The following WDR59 variants were observed in gnomAD, a reference collection of about 807,000 sequenced individuals.
WDR59 encodes WD repeat domain 59.
A neutral mutation model predicts 131.2 loss-of-function variants in WDR59; 100 were observed. That is an observed-to-expected ratio of 0.76 (90% confidence interval 0.65 to 0.90). The LOEUF is 0.90. Among genes scored for constraint, WDR59 ranks in the 40% least tolerant of loss-of-function variants. The pLI, the probability that WDR59 is intolerant of heterozygous loss-of-function variation, is 0.00. For missense variants in WDR59, 1,203 were observed against 1,262.2 expected (o/e 0.95, Z 0.71); for synonymous variants, 601 against 466.2 (o/e 1.29, Z -3.72).
In WDR59 at chr16:74,873,967, A is replaced by T; in HGVS notation, c.*242T>A. 1 of 517,786 alleles carries T rather than the reference A, an allele frequency of 1.9e-6. No individual in the cohort carries two copies. The highest frequency in any genetic ancestry group is 3.5e-6 in the Non-Finnish European group (1 of 287,804). 32.1% of individuals were successfully genotyped at this position (517,786 alleles called of 1,614,324 possible). A position where few individuals can be genotyped will look rare whatever the true frequency, so the allele number is the denominator to read the frequency against. Reference sequence around the variant, plus strand: ...CTTGGTAGCTCAGCCGACATAGACAACACACAAAGCGCAGCTCTGCACTTC... The same window carrying T: ...CTTGGTAGCTCAGCCGACATAGACATCACACAAAGCGCAGCTCTGCACTTC... On this transcript the variant is annotated 3_prime_UTR_variant, in exon 26 of 26. Transcript: ENST00000262144.
chr16:74,912,169 A>G (rs1966125897), intron 14 of WDR59, 29 bp downstream of exon 14: 1 of 1,614,134 alleles, frequency 6.2e-7, no homozygotes. Flanking sequence ...GCAGAACAGC[A>G]AGGAGAATTT....
chr16:74,956,569 T>C lies in WDR59; in HGVS notation c.146A>G (p.Glu49Gly), dbSNP rs1282318113. ...LYIVNLDAPF[E>G]GHRKISRQSK... ...CTGGCGAGAGATCTTTCGGTGACCT[T>C]CGAAAGGGGCATCTAGATTGACGAT... The change falls in exon 3 of 26, where the codon GAA becomes GGA. Residue 49 changes from glutamate (E) to glycine (G), a missense_variant. Transcript: ENST00000262144. 6.2e-7 allele frequency: 1 copy of C among 1,614,008 alleles called. No individual in the cohort carries two copies. Among genetic ancestry groups the C allele is most frequent in the Admixed American group, 1.7e-5 (1 of 59,966 alleles).
chr16:74,885,634 G>C lies in WDR59; in HGVS notation c.2689+19C>G. The C allele has an allele frequency of 6.2e-7, 1 of 1,612,746 alleles. No individual in the cohort carries two copies. Among genetic ancestry groups the C allele is most frequent in the South Asian group, 1.1e-5 (1 of 90,828 alleles). Reference sequence around the variant, plus strand: ...GATCTTTCAGACAGTGAAAGGAAGAGAGAGAAATTCATACTCACCGATCCC... The same window carrying C: ...GATCTTTCAGACAGTGAAAGGAAGACAGAGAAATTCATACTCACCGATCCC... On this transcript the variant is annotated intron_variant, in intron 25 of 25. Transcript: ENST00000262144.
chr16:74,956,296 C>A (rs112545913), intron 3 of WDR59, among the ~76,000 whole-genome samples, 179 bp downstream of exon 3: 1 of 152,154 alleles, frequency 6.6e-6, no homozygotes, highest in African/African-American at 2.4e-5. Flanking sequence ...ATGGGACCAG[C>A]GAGCATTCCC....
rs558048324 is a variant in WDR59, at chr16:74,877,144, C to T, written c.2690-2700G>A. On this transcript the variant is annotated intron_variant, in intron 25 of 25. Coordinates refer to ENST00000262144, the MANE Select transcript of WDR59 (RefSeq NM_030581.4). ...CAGTTTTATTAAAACGATCAATCAACGCGGTGAGGGTATTGTCTTACTGAA... is the reference window on the plus strand; with the variant it reads ...CAGTTTTATTAAAACGATCAATCAATGCGGTGAGGGTATTGTCTTACTGAA... 1.3e-3 allele frequency among the ~76,000 whole-genome samples: 205 copies of T among 152,162 alleles called. 1 individual carries two copies. Among genetic ancestry groups the T allele is most frequent in the South Asian group, 3.1e-3 (15 of 4,824 alleles).
chr16:74,952,445 CAAAA>C (rs61448932), intron 3 of WDR59, among the ~76,000 whole-genome samples: 5 of 62,718 alleles, frequency 8.0e-5, no homozygotes, highest in African/African-American at 1.6e-4. Context: ...CCATCTCAAA[CAAAA>C]AAAAAAAAAA....
intron 25 of WDR59, among the ~76,000 whole-genome samples, chr16:74,879,323 C>T (rs932707969): frequency 1.3e-5 from 2 of 152,180 alleles, no homozygotes; most frequent in Admixed American, 6.5e-5. Context: ...TGCCTGTGCA[C>T]TGCAGCCTGG....
rs974741558 is a variant in WDR59, at chr16:74,910,989, G to A, written c.1390-1072C>T. 4.6e-5 allele frequency among the ~76,000 whole-genome samples: 7 copies of A among 152,194 alleles called. No homozygotes were observed. The South Asian group carries it at 1.0e-3, about 23-fold the overall frequency. ...AGTGATTCTCCTGCCTCAGCCTACC[G>A]AGTCGCTGGGAATACAGGCATGCGC... On this transcript the variant is annotated intron_variant, in intron 14 of 25. Transcript: ENST00000262144.
At chr16:74,968,778 T>A (rs144051598) in intron 1 of WDR59, among the ~76,000 whole-genome samples, 3 of 151,950 alleles carry the variant, frequency 2.0e-5, no homozygotes, top group Non-Finnish European at 2.9e-5. Context: ...AACTCACCCA[T>A]ATCAGAGGAA....
chr16:74,951,603 A>T (rs1162800136), intron 3 of WDR59, 60 bp from the exon 4 acceptor site: 14 of 1,459,374 alleles, frequency 9.6e-6, no homozygotes, highest in East Asian at 2.4e-5. Context: ...TCTTGCCCCA[A>T]TCAGCTTAAG....
chr16:74,948,297 G>C (rs1352840016), intron 6 of WDR59, among the ~76,000 whole-genome samples: 3 of 152,222 alleles, frequency 2.0e-5, no homozygotes, highest in African/African-American at 7.2e-5. Context: ...ATGAGGTCCT[G>C]CTCCACACCC....
At chr16:74,952,455 A>C (rs2033059422) in intron 3 of WDR59, among the ~76,000 whole-genome samples, 1 of 150,590 alleles carries the variant, frequency 6.6e-6, no homozygotes, top group South Asian at 2.1e-4. Context: ...CAAAAAAAAA[A>C]AAAAAAAAAA....
intron 8 of WDR59, among the ~76,000 whole-genome samples, chr16:74,927,986 C>T (rs1177781589): frequency 1.4e-5 from 2 of 146,614 alleles, no homozygotes; most frequent in African/African-American, 2.5e-5. Flanking sequence ...CGGCTCACTG[C>T]AACCTCCGCC....
In WDR59 at chr16:74,909,653, T is replaced by A; in HGVS notation, c.1490A>T (p.Gln497Leu). The change falls in exon 16 of 26, where the codon CAG becomes CTG. Residue 497 changes from glutamine (Q) to leucine (L), a missense_variant. Transcript: ENST00000262144. Reference sequence around the variant, plus strand: ...CGGGTTGCTGGAAGCGCTGTCTTCCTGGTTCTGAAATTTAAAAATCCACAA... The same window carrying A: ...CGGGTTGCTGGAAGCGCTGTCTTCCAGGTTCTGAAATTTAAAAATCCACAA... ...LVSCLESFVN[Q>L]EDSASSNPFA... 6.4e-7 allele frequency: 1 copy of A among 1,566,836 alleles called. No individual in the cohort carries two copies. Among genetic ancestry groups the A allele is most frequent in the Non-Finnish European group, 8.6e-7 (1 of 1,159,304 alleles).
intron 25 of WDR59, among the ~76,000 whole-genome samples, chr16:74,878,378 G>A (rs1964318601): frequency 6.6e-6 from 1 of 152,204 alleles, no homozygotes; most frequent in South Asian, 2.1e-4. Flanking sequence ...ACTTGGCCGG[G>A]TGCCGTGGCT....
At chr16:74,959,827 A>G (rs2033475746) in intron 2 of WDR59, among the ~76,000 whole-genome samples, 1 of 150,512 alleles carries the variant, frequency 6.6e-6, no homozygotes, top group Non-Finnish European at 1.5e-5. Flanking sequence ...CCAAAATAAT[A>G]ACAATAAGAA....
intron 6 of WDR59, among the ~76,000 whole-genome samples, chr16:74,945,339 T>C (rs1047124227): frequency 1.1e-4 from 16 of 151,380 alleles, no homozygotes; most frequent in Admixed American, 9.9e-4. Flanking sequence ...TAGCCGGGCA[T>C]GGTGGCGGGC....
Position 74,897,358 on chromosome 16 carries a change from G to A in WDR59, c.1867-3546C>T, listed in dbSNP as rs796895969. On this transcript the variant is annotated intron_variant, in intron 18 of 25. Transcript: ENST00000262144. Reference sequence around the variant, plus strand: ...TAGGATTAGGCACATTCAGACAGAAGAAAACTAAGAGTCTAAAGAGATGTC... The same window carrying A: ...TAGGATTAGGCACATTCAGACAGAAAAAAACTAAGAGTCTAAAGAGATGTC... 3.3e-5 allele frequency among the ~76,000 whole-genome samples: 5 copies of A among 152,206 alleles called. No homozygotes were observed. The South Asian group carries it at 8.3e-4, about 25-fold the overall frequency.
chr16:74,942,661 C>G, intron 7 of WDR59, 77 bp downstream of exon 7: 2 of 1,448,400 alleles, frequency 1.4e-6, no homozygotes, highest in Non-Finnish European at 1.9e-6. Flanking sequence ...AAGCCAAGTC[C>G]TGGCACTCAT....
Sources: allele counts gnomAD v4.1 joint callset (sites outside exome capture counted in the v4.1 genomes callset), GRCh38; gene constraint gnomAD v4.1.1; transcripts MANE v1.5; gene names NCBI Gene and HGNC (gene_info 2026-07-23, HGNC 2026-07-21).